TSSK6: variants seen among roughly 807,000 people sequenced by gnomAD.
TSSK6 encodes testis specific serine kinase 6, also known as testis-specific serine/threonine-protein kinase 6.
Under a neutral mutation model 8.5 loss-of-function variants are expected in TSSK6, and 9 were observed. The observed-to-expected ratio is 1.06, with a 90% CI of 0.64 to 1.85. The LOEUF is 1.85. Ranked by LOEUF, TSSK6 falls within the 40% of genes most tolerant of loss-of-function variation. The probability of loss-of-function intolerance (pLI) is 0.00; values close to 1 mark genes in which losing one functional copy is unlikely to be tolerated. For synonymous variants in TSSK6, 202 were observed against 182.4 expected (o/e 1.11, Z -0.86); for missense variants, 311 against 391.5 (o/e 0.79, Z 1.73).
rs766049283 is a variant in TSSK6 at position 19,514,888 on chromosome 19, G to A, written c.540C>T (p.Pro180=). The change falls in exon 1 of 1, where the codon CCC becomes CCT. Residue 180 remains proline (P), a synonymous_variant. Transcript: ENST00000585580. ...CGTAGGGGATGCCCAGGAGCACCTCGGGTGACGCGTAGGCGGCTGAGCCGC... is the reference window on the plus strand; with the variant it reads ...CGTAGGGGATGCCCAGGAGCACCTCAGGTGACGCGTAGGCGGCTGAGCCGC... The part of the protein sequence containing the change: ...TYCGSAAYAS[P]EVLLGIPYDP... 1.9e-6 allele frequency: 3 copies of A among 1,601,578 alleles called. No individual in the cohort carries two copies. The highest frequency in any genetic ancestry group is 2.2e-5 in the East Asian group (1 of 44,826).
Position 19,515,485 on chromosome 19 carries a change from C to T in TSSK6, c.-58G>A. On this transcript the variant is annotated 5_prime_UTR_variant, in exon 1 of 1. Coordinates refer to ENST00000585580, the MANE Select transcript of TSSK6 (RefSeq NM_032037.4). ...CGGCTGCTGTCGGGGGGCGGCCGGA[C>T]TCCAATCTCGGGTCTAAGCCATGGC... 2.0e-6 allele frequency: 3 copies of T among 1,505,144 alleles called. No homozygotes were observed. The highest frequency in any genetic ancestry group is 2.3e-5 in the East Asian group (1 of 43,990). 93.2% of individuals were successfully genotyped at this position (1,505,144 alleles called of 1,614,324 possible). A position where few individuals can be genotyped will look rare whatever the true frequency, so the allele number is the denominator to read the frequency against.
chr19:19,514,396 T>G lies in TSSK6; in HGVS notation c.*210A>C, dbSNP rs949964788. On this transcript the variant is annotated 3_prime_UTR_variant, in exon 1 of 1. Transcript: ENST00000585580. ...AGGGAATCGCGGATGCGCATGCGCCTCCAGCTCCCGGGATCGCGGGGAACG... is the reference window on the plus strand; with the variant it reads ...AGGGAATCGCGGATGCGCATGCGCCGCCAGCTCCCGGGATCGCGGGGAACG... 2 of 594,736 alleles carry G rather than the reference T, an allele frequency of 3.4e-6. No individual in the cohort carries two copies. Among genetic ancestry groups the G allele is most frequent in the Middle Eastern group, 4.6e-4 (1 of 2,188 alleles). The allele number at this position is 594,736 out of a possible 1,614,324, so 36.8% of individuals were successfully genotyped here. A position where few individuals can be genotyped will look rare whatever the true frequency, so the allele number is the denominator to read the frequency against.
At position 19,514,739 on chromosome 19, in the gene TSSK6, T is replaced by C; in HGVS notation, c.689A>G (p.Tyr230Cys). 6.2e-7 allele frequency: 1 copy of C among 1,602,360 alleles called. No individual in the cohort carries two copies. Among genetic ancestry groups the C allele is most frequent in the East Asian group, 2.2e-5 (1 of 44,864 alleles). The change falls in exon 1 of 1, where the codon TAT (tyrosine) becomes TGT (cysteine). Residue 230 changes from tyrosine (Y) to cysteine (C), a missense_variant. Physicochemically the swap from Tyr to Cys is radical, Grantham distance 194. Transcript: ENST00000585580. ...LPRRQKRGVL[Y>C]PEGLELSERC... ...CTCGGACAGCTCGAGGCCTTCGGGATAGAGCACGCCGCGTTTCTGGCGCCG... is the reference window on the plus strand; with the variant it reads ...CTCGGACAGCTCGAGGCCTTCGGGACAGAGCACGCCGCGTTTCTGGCGCCG...
chr19:19,515,278 CG>C lies in TSSK6; in HGVS notation c.149del (p.Pro50ArgfsTer40). The C allele has an allele frequency of 1.2e-6, 2 of 1,613,764 alleles. No individual in the cohort carries two copies. The highest frequency in any genetic ancestry group is 8.5e-7 in the Non-Finnish European group (1 of 1,179,986). On this transcript the variant is annotated frameshift_variant, in exon 1 of 1. Transcript: ENST00000585580. LOFTEE classifies it low-confidence loss of function (END_TRUNC). The stretch of plus-strand genomic sequence containing the variant: ...GCGGCAGGAACTTGTTGACGAAGTC[CG>C]GGGGCGCTCGCCGCCGGTCCACCAC... ...IKVVDRRRAP[P>X]DFVNKFLPRE...
Position 19,514,413 on chromosome 19 carries a change from C to A in TSSK6, c.*193G>T. Reference sequence around the variant, plus strand: ...CATGCGCCTCCAGCTCCCGGGATCGCGGGGAACGTGGATTCCGAACAAGGG... The same window carrying A: ...CATGCGCCTCCAGCTCCCGGGATCGAGGGGAACGTGGATTCCGAACAAGGG... On this transcript the variant is annotated 3_prime_UTR_variant, in exon 1 of 1. Coordinates refer to ENST00000585580, the MANE Select transcript of TSSK6 (RefSeq NM_032037.4). 1 of 616,830 alleles carries A rather than the reference C, an allele frequency of 1.6e-6. No individual in the cohort carries two copies. 38.2% of individuals were successfully genotyped at this position (616,830 alleles called of 1,614,324 possible). A position where few individuals can be genotyped will look rare whatever the true frequency, so the allele number is the denominator to read the frequency against.
Position 19,514,716 on chromosome 19 carries a change from C to G in TSSK6, c.712G>C (p.Glu238Gln). The change falls in exon 1 of 1, where the codon GAG (glutamate) becomes CAG (glutamine). Residue 238 changes from glutamate (E) to glutamine (Q), a missense_variant. Transcript: ENST00000585580. Reference sequence around the variant, plus strand: ...TCGGCGATCAGGGCCTTGCAGCGCTCGGACAGCTCGAGGCCTTCGGGATAG... The same window carrying G: ...TCGGCGATCAGGGCCTTGCAGCGCTGGGACAGCTCGAGGCCTTCGGGATAG... ...VLYPEGLELS[E>Q]RCKALIAELL... is the part of the protein sequence containing the mutation. 1 of 1,602,046 alleles carries G rather than the reference C, an allele frequency of 6.2e-7. No individual in the cohort carries two copies. The highest frequency in any genetic ancestry group is 1.3e-5 in the African/African-American group (1 of 75,036).
In TSSK6 at chr19:19,515,231, C is replaced by A. The variant is rs372663668; in HGVS notation, c.197G>T (p.Gly66Val). The change falls in exon 1 of 1, where the codon GGC becomes GTC. Residue 66 changes from glycine to valine, a missense_variant. Physicochemically the swap from Gly to Val is moderately radical, Grantham distance 109. Transcript: ENST00000585580. ...GTGCACGATGTGCGGGTGTCGCACG[C>A]CCCGCAGGATGGACAGCTCTCGCGG... Reference protein sequence around the residue: ...FLPRELSILRGVRHPHIVHVF... With the variant: ...FLPRELSILRVVRHPHIVHVF... The A allele has an allele frequency of 6.2e-7, 1 of 1,612,442 alleles. No individual in the cohort carries two copies. The highest frequency in any genetic ancestry group is 8.5e-7 in the Non-Finnish European group (1 of 1,179,980).
Position 19,515,381 on chromosome 19 carries a change from C to G in TSSK6, c.47G>C (p.Arg16Pro). The G allele has an allele frequency of 1.2e-6, 2 of 1,610,808 alleles. No individual in the cohort carries two copies. Among genetic ancestry groups the G allele is most frequent in the Non-Finnish European group, 1.7e-6 (2 of 1,177,302 alleles). Residue 16 changes from arginine (R) to proline (P), a missense_variant, in exon 1 of 1, where the codon CGC becomes CCC. Transcript: ENST00000585580. ...GGAGTAGCTGCCCTCTCCAATTGTGCGGCCCAGCTTATAACCGAGTTCGCT... is the reference window on the plus strand; with the variant it reads ...GGAGTAGCTGCCCTCTCCAATTGTGGGGCCCAGCTTATAACCGAGTTCGCT... ...LLSELGYKLG[R>P]TIGEGSYSKV...
Position 19,514,336 on chromosome 19 carries a change from TC to T in TSSK6, c.*269del. ...GTTCCGCGCAGGCGCAATGCTTCCG[TC>T]CCCTCTGGTCTCGCCCTCTCGGGGC... On this transcript the variant is annotated 3_prime_UTR_variant, in exon 1 of 1. Transcript: ENST00000585580. The T allele has an allele frequency of 2.0e-6, 1 of 504,276 alleles. No individual in the cohort carries two copies. The highest frequency in any genetic ancestry group is 3.1e-5 in the South Asian group (1 of 32,488). 31.2% of individuals were successfully genotyped at this position (504,276 alleles called of 1,614,324 possible).
Position 19,514,631 on chromosome 19 carries a change from C to T in TSSK6, c.797G>A (p.Trp266Ter). 1 of 1,592,786 alleles carries T rather than the reference C, an allele frequency of 6.3e-7. No homozygotes were observed. The change falls in exon 1 of 1, where the codon TGG becomes TAG. Residue 266 changes from tryptophan (W) to a stop codon, truncating the protein, a stop_gained. Transcript: ENST00000585580. LOFTEE classifies it high-confidence loss of function. The stretch of plus-strand genomic sequence containing the variant: ...CTAGCCGGAGTCCCCGGCGCGCAGC[C>T]AGCAGTTGCGCGCTACCTGGCCCGC... ...PSAGQVARNC[W>*]LRAGDSG
At position 19,515,446 on chromosome 19, in the gene TSSK6, C is replaced by CG. The variant is rs768201412; in HGVS notation, c.-20dup. 1.1e-5 allele frequency: 17 copies of CG among 1,568,624 alleles called. No homozygotes were observed. The highest frequency in any genetic ancestry group is 1.7e-4 in the Middle Eastern group (1 of 5,856). On this transcript the variant is annotated 5_prime_UTR_variant, in exon 1 of 1. It introduces an in-frame stop codon into an upstream open reading frame of the 5' UTR. Transcript: ENST00000585580. ...CCGACATGGTGGCGCCTAGGGCGCA[C>CG]GGGGGGCAGGAGGCGGCTGCTGTCG...
rs2061041541 is a variant in TSSK6, at chr19:19,515,292, GC to G, written c.135del (p.Arg46GlyfsTer44). 1 of 1,613,914 alleles carries G rather than the reference GC, an allele frequency of 6.2e-7. No individual in the cohort carries two copies. The highest frequency in any genetic ancestry group is 1.3e-5 in the African/African-American group (1 of 74,938). On this transcript the variant is annotated frameshift_variant, in exon 1 of 1. Coordinates refer to ENST00000585580, the MANE Select transcript of TSSK6 (RefSeq NM_032037.4). LOFTEE classifies it low-confidence loss of function (END_TRUNC). ...TTGACGAAGTCCGGGGGCGCTCGCC[GC>G]CGGTCCACCACCTTGATGGCCACGG... ...KGTVAIKVVD[R>X]RRAPPDFVNK... is the part of the protein sequence containing the mutation.
In TSSK6 at chr19:19,515,535, C is replaced by T. The variant is rs578251012; in HGVS notation, c.-108G>A. The T allele has an allele frequency of 3.6e-4, 358 of 996,610 alleles. No homozygotes were observed. The highest frequency in any genetic ancestry group is 1.4e-3 in the Middle Eastern group (6 of 4,184). 61.7% of individuals were successfully genotyped at this position (996,610 alleles called of 1,614,324 possible). A position where few individuals can be genotyped will look rare whatever the true frequency, so the allele number is the denominator to read the frequency against. ...CGCTTGGCACCTACACCCCCGCACC[C>T]CCATGTGCCCACTGCCAGACATTGG... On this transcript the variant is annotated 5_prime_UTR_variant, in exon 1 of 1. Coordinates refer to ENST00000585580, the MANE Select transcript of TSSK6 (RefSeq NM_032037.4).
chr19:19,514,382 G>C lies in TSSK6; in HGVS notation c.*224C>G. 1.7e-6 allele frequency: 1 copy of C among 574,440 alleles called. No individual in the cohort carries two copies. The highest frequency in any genetic ancestry group is 3.1e-5 in the Admixed American group (1 of 32,312). 35.6% of individuals were successfully genotyped at this position (574,440 alleles called of 1,614,324 possible). ...CGGGGCCTGGTCGCAGGGAATCGCG[G>C]ATGCGCATGCGCCTCCAGCTCCCGG... On this transcript the variant is annotated 3_prime_UTR_variant, in exon 1 of 1. Coordinates refer to ENST00000585580, the MANE Select transcript of TSSK6 (RefSeq NM_032037.4).
chr19:19,514,408 G>C lies in TSSK6; in HGVS notation c.*198C>G. The C allele has an allele frequency of 1.6e-6, 1 of 609,098 alleles. No individual in the cohort carries two copies. Among genetic ancestry groups the C allele is most frequent in the Non-Finnish European group, 2.8e-6 (1 of 355,442 alleles). 37.7% of individuals were successfully genotyped at this position (609,098 alleles called of 1,614,324 possible). ...ATGCGCATGCGCCTCCAGCTCCCGG[G>C]ATCGCGGGGAACGTGGATTCCGAAC... On this transcript the variant is annotated 3_prime_UTR_variant, in exon 1 of 1. Transcript: ENST00000585580.
Position 19,514,996 on chromosome 19 carries a change from G to A in TSSK6, c.432C>T (p.Ser144=). ...RDLKCENVLL[S]PDERRVKLTD... ...TGAGCTTGACGCGGCGCTCGTCCGG[G>A]CTCAGCAGCACGTTTTCGCACTTGA... is the stretch of plus-strand genomic sequence containing the variant. Residue 144 remains serine (S), a synonymous_variant, in exon 1 of 1, where the codon AGC becomes AGT. Coordinates refer to ENST00000585580, the MANE Select transcript of TSSK6 (RefSeq NM_032037.4). 6.2e-7 allele frequency: 1 copy of A among 1,610,280 alleles called. No homozygotes were observed. The highest frequency in any genetic ancestry group is 8.5e-7 in the Non-Finnish European group (1 of 1,178,350).
At position 19,514,484 on chromosome 19, in the gene TSSK6, G is replaced by A; in HGVS notation, c.*122C>T. On this transcript the variant is annotated 3_prime_UTR_variant, in exon 1 of 1. Coordinates refer to ENST00000585580, the MANE Select transcript of TSSK6 (RefSeq NM_032037.4). ...GGAAGAAAGGGAGGGAAGCGGAAGGGAAAAAGCGCATGTGCAGCAGCACGC... is the reference window on the plus strand; with the variant it reads ...GGAAGAAAGGGAGGGAAGCGGAAGGAAAAAAGCGCATGTGCAGCAGCACGC... 1.0e-6 allele frequency: 1 copy of A among 980,402 alleles called. No individual in the cohort carries two copies. The highest frequency in any genetic ancestry group is 1.5e-6 in the Non-Finnish European group (1 of 688,384). The allele number at this position is 980,402 out of a possible 1,614,324, so 60.7% of individuals were successfully genotyped here. A position where few individuals can be genotyped will look rare whatever the true frequency, so the allele number is the denominator to read the frequency against.
chr19:19,514,497 T>C lies in TSSK6; in HGVS notation c.*109A>G. 1 of 1,073,758 alleles carries C rather than the reference T, an allele frequency of 9.3e-7. No individual in the cohort carries two copies. The highest frequency in any genetic ancestry group is 1.3e-6 in the Non-Finnish European group (1 of 771,748). The allele number at this position is 1,073,758 out of a possible 1,614,324, so 66.5% of individuals were successfully genotyped here. ...GGAAGCGGAAGGGAAAAAGCGCATG[T>C]GCAGCAGCACGCGGCAGCTTCGCAT... On this transcript the variant is annotated 3_prime_UTR_variant, in exon 1 of 1. Transcript: ENST00000585580.
chr19:19,514,561 G>A lies in TSSK6; in HGVS notation c.*45C>T. On this transcript the variant is annotated 3_prime_UTR_variant, in exon 1 of 1. Transcript: ENST00000585580. ...GCGCCTCTTGCGCGTGCGCCGCCCTGGCCCAGTGCCCTTGGCTGCAGGAAT... is the reference window on the plus strand; with the variant it reads ...GCGCCTCTTGCGCGTGCGCCGCCCTAGCCCAGTGCCCTTGGCTGCAGGAAT... 6.8e-7 allele frequency: 1 copy of A among 1,473,012 alleles called. No homozygotes were observed. The highest frequency in any genetic ancestry group is 9.0e-7 in the Non-Finnish European group (1 of 1,111,232). 91.2% of individuals were successfully genotyped at this position (1,473,012 alleles called of 1,614,324 possible).
Sources: allele counts gnomAD v4.1 joint callset, GRCh38; gene constraint gnomAD v4.1.1; transcripts MANE v1.5; gene names NCBI Gene and HGNC (gene_info 2026-07-23, HGNC 2026-07-21).